KIRREL3: variants seen among roughly 807,000 people sequenced by gnomAD.
KIRREL3 encodes the protein kirre like nephrin family adhesion molecule 3.
Under a neutral mutation model 89.7 loss-of-function variants are expected in KIRREL3, and 36 were observed. The ratio of observed to expected loss-of-function variants is 0.40; its 90% CI spans 0.31 to 0.53. The LOEUF (loss-of-function observed/expected upper bound fraction) is 0.53. Ranked by LOEUF, KIRREL3 falls within the 20% of genes least tolerant of loss-of-function variation. The pLI is 0.49. For synonymous variants in KIRREL3, 445 were observed against 441.4 expected, an observed-to-expected ratio of 1.01 and a Z score of -0.10; for missense variants, 864 against 1,056.6, an observed-to-expected ratio of 0.82 and a Z score of 2.53.
chr11:126,447,194 C>T (rs977724108), intron 8 of KIRREL3, among the ~76,000 whole-genome samples: 1 of 152,236 alleles, frequency 6.6e-6, no homozygotes, highest in East Asian at 1.9e-4. Flanking sequence ...TGGATTTACC[C>T]CCACGGCTCT....
At position 126,689,281 on chromosome 11, in the gene KIRREL3, T is replaced by C. The variant is rs575686987; in HGVS notation, c.56-126369A>G. ...TGGCTTGTGAGATTAAGATTTGGTA[T>C]TGGAATTTGTCCCATCTCGACTTGG... is the stretch of plus-strand genomic sequence containing the variant. On this transcript the variant is annotated intron_variant, in intron 1 of 16. Coordinates refer to ENST00000525144, the MANE Select transcript of KIRREL3 (RefSeq NM_032531.4). The surrounding 1 kb of genome is among the most constrained non-coding windows in gnomAD (Gnocchi z 5.2). Among the ~76,000 whole-genome samples, 3 of 152,286 alleles carry C rather than the reference T, an allele frequency of 2.0e-5. No individual in the cohort carries two copies. Among genetic ancestry groups the C allele is most frequent in the Non-Finnish European group, 2.9e-5 (2 of 68,026 alleles).
chr11:126,588,448 T>C (rs900415851), intron 1 of KIRREL3, among the ~76,000 whole-genome samples: 9 of 152,166 alleles, frequency 5.9e-5, no homozygotes, highest in East Asian at 1.9e-4. Flanking sequence ...GGAATAGGAA[T>C]TGGGGACTCC....
rs1342645506 is a variant in KIRREL3, at chr11:126,877,846, T to C, written c.55+122609A>G. Among the ~76,000 whole-genome samples the C allele has an allele frequency of 2.0e-5, 3 of 152,166 alleles. No individual in the cohort carries two copies. The highest frequency in any genetic ancestry group is 4.8e-5 in the African/African-American group (2 of 41,434). The stretch of plus-strand genomic sequence containing the variant: ...TATCTTGAACCTATCATCCACATGT[T>C]TTTTGTGCCTGAAAAAGCAGAATAT... On this transcript the variant is annotated intron_variant, in intron 1 of 16. Coordinates refer to ENST00000525144, the MANE Select transcript of KIRREL3 (RefSeq NM_032531.4). This position sits in a 1 kb window ranked among gnomAD's most constrained non-coding sequence, Gnocchi z 4.9.
chr11:126,735,709 C>G (rs935183359), intron 1 of KIRREL3, among the ~76,000 whole-genome samples: 1 of 152,258 alleles, frequency 6.6e-6, no homozygotes, highest in African/African-American at 2.4e-5. Context: ...TCTGTAGGAA[C>G]TGAAGTCAAT....
chr11:126,596,571 G>A (rs1942406988), intron 1 of KIRREL3, among the ~76,000 whole-genome samples: 1 of 152,234 alleles, frequency 6.6e-6, no homozygotes, highest in Admixed American at 6.5e-5. Flanking sequence ...GCATTGAGTT[G>A]ACAGTGATCT....
chr11:126,576,082 G>A lies in KIRREL3; in HGVS notation c.56-13170C>T, dbSNP rs1565564483. On this transcript the variant is annotated intron_variant, in intron 1 of 16. Coordinates refer to ENST00000525144, the MANE Select transcript of KIRREL3 (RefSeq NM_032531.4). This position sits in a 1 kb window ranked among gnomAD's most constrained non-coding sequence, Gnocchi z 5.4. Reference sequence around the variant, plus strand: ...CATAGTAGGCACTCAGTGCACATGTGTATGTGACGAGTAACTCCACAGACA... The same window carrying A: ...CATAGTAGGCACTCAGTGCACATGTATATGTGACGAGTAACTCCACAGACA... Among the ~76,000 whole-genome samples the A allele has an allele frequency of 6.6e-6, 1 of 152,180 alleles. No individual in the cohort carries two copies. Among genetic ancestry groups the A allele is most frequent in the Non-Finnish European group, 1.5e-5 (1 of 68,044 alleles).
rs1225166149 is a variant in KIRREL3 at position 126,795,327 on chromosome 11, G to A, written c.55+205128C>T. ...GATGCTAATAATGGGGGAAACTCAG[G>A]GCAGAGGTTGGGAGGGAGAGGACGT... On this transcript the variant is annotated intron_variant, in intron 1 of 16. Coordinates refer to ENST00000525144, the MANE Select transcript of KIRREL3 (RefSeq NM_032531.4). The surrounding 1 kb of genome is among the most constrained non-coding windows in gnomAD (Gnocchi z 4.1). Among the ~76,000 whole-genome samples the A allele has an allele frequency of 6.6e-6, 1 of 152,132 alleles. No homozygotes were observed. The highest frequency in any genetic ancestry group is 1.9e-4 in the East Asian group (1 of 5,194).
At chr11:126,951,161 G>T (rs1306095319) in intron 1 of KIRREL3, among the ~76,000 whole-genome samples, 2 of 152,158 alleles carry the variant, frequency 1.3e-5, no homozygotes, top group African/African-American at 4.8e-5. Flanking sequence ...TGCCATGTGG[G>T]ATAAGGCACA....
chr11:126,838,542 AG>A (rs1198204953), intron 1 of KIRREL3, among the ~76,000 whole-genome samples: 11 of 152,148 alleles, frequency 7.2e-5, no homozygotes, highest in Admixed American at 1.3e-4. Context: ...GGGACATTTG[AG>A]GTTTCTGTTT....
In KIRREL3 at chr11:126,977,600, C is replaced by T. The variant is rs1949615682; in HGVS notation, c.55+22855G>A. Among the ~76,000 whole-genome samples the T allele has an allele frequency of 6.6e-6, 1 of 152,210 alleles. No individual in the cohort carries two copies. The highest frequency in any genetic ancestry group is 6.5e-5 in the Admixed American group (1 of 15,280). On this transcript the variant is annotated intron_variant, in intron 1 of 16. Coordinates refer to ENST00000525144, the MANE Select transcript of KIRREL3 (RefSeq NM_032531.4). This position sits in a 1 kb window ranked among gnomAD's most constrained non-coding sequence, Gnocchi z 4.7. The stretch of plus-strand genomic sequence containing the variant: ...ATGCCTACTATGCACCTGTCTATTT[C>T]ATCAGGTTTATACCTTGTTGGCACA...
In KIRREL3 at chr11:126,530,796, G is replaced by A. The variant is rs1958918823; in HGVS notation, c.134-4109C>T. On this transcript the variant is annotated intron_variant, in intron 2 of 16. Coordinates refer to ENST00000525144, the MANE Select transcript of KIRREL3 (RefSeq NM_032531.4). This position sits in a 1 kb window ranked among gnomAD's most constrained non-coding sequence, Gnocchi z 5.8. Reference sequence around the variant, plus strand: ...TGTTCCCCTGGTGTGAAGCCTTGGCGGCCGGTGCAATCTCCCCTTCCCATA... The same window carrying A: ...TGTTCCCCTGGTGTGAAGCCTTGGCAGCCGGTGCAATCTCCCCTTCCCATA... 2.0e-5 allele frequency among the ~76,000 whole-genome samples: 3 copies of A among 152,068 alleles called. No individual in the cohort carries two copies. The highest frequency in any genetic ancestry group is 2.1e-4 in the South Asian group (1 of 4,804).
chr11:126,631,305 C>T (rs537366853), intron 1 of KIRREL3, among the ~76,000 whole-genome samples: 19 of 152,288 alleles, frequency 1.2e-4, no homozygotes, highest in East Asian at 3.9e-4. Context: ...AGTAACTAAG[C>T]GGCTTGATGA....
chr11:126,435,601 G>T (rs1254143897), intron 12 of KIRREL3, among the ~76,000 whole-genome samples: 2 of 152,178 alleles, frequency 1.3e-5, no homozygotes, highest in Non-Finnish European at 2.9e-5. Context: ...GGAAGACACG[G>T]AGGGTAGGCA....
chr11:126,532,448 T>C (rs1363920282), intron 2 of KIRREL3, among the ~76,000 whole-genome samples: 1 of 152,216 alleles, frequency 6.6e-6, no homozygotes, highest in Non-Finnish European at 1.5e-5. Context: ...TGTTCTCGGC[T>C]CACTGCAACC....
chr11:126,651,655 A>G lies in KIRREL3; in HGVS notation c.56-88743T>C, dbSNP rs1198364663. Among the ~76,000 whole-genome samples, 2 of 152,256 alleles carry G rather than the reference A, an allele frequency of 1.3e-5. No homozygotes were observed. The highest frequency in any genetic ancestry group is 2.9e-5 in the Non-Finnish European group (2 of 68,044). On this transcript the variant is annotated intron_variant, in intron 1 of 16. Coordinates refer to ENST00000525144, the MANE Select transcript of KIRREL3 (RefSeq NM_032531.4). The surrounding 1 kb of genome is among the most constrained non-coding windows in gnomAD (Gnocchi z 4.6). Reference sequence around the variant, plus strand: ...TAATGAATTTACCAAATTTGTGGGTATTATGGAGATATTAATTCCATATGA... The same window carrying G: ...TAATGAATTTACCAAATTTGTGGGTGTTATGGAGATATTAATTCCATATGA...
rs139842448 is a variant in KIRREL3 at position 126,722,049 on chromosome 11, T to C, written c.56-159137A>G. Among the ~76,000 whole-genome samples the C allele has an allele frequency of 2.2e-4, 34 of 152,322 alleles. No homozygotes were observed. The East Asian group carries it at 6.6e-3, about 29-fold the overall frequency. On this transcript the variant is annotated intron_variant, in intron 1 of 16. Coordinates refer to ENST00000525144, the MANE Select transcript of KIRREL3 (RefSeq NM_032531.4). Reference sequence around the variant, plus strand: ...GGCAGTCAAGGCTCCCAATGATATGTCATAATTTCCACTTCCAGCCTTGTC... The same window carrying C: ...GGCAGTCAAGGCTCCCAATGATATGCCATAATTTCCACTTCCAGCCTTGTC...
chr11:126,980,054 G>T (rs140383078), intron 1 of KIRREL3, among the ~76,000 whole-genome samples: 1 of 152,112 alleles, frequency 6.6e-6, no homozygotes, highest in Non-Finnish European at 1.5e-5. Context: ...ACATTATGTC[G>T]GCAGAGAAGA....
rs1945852140 is a variant in KIRREL3 at position 126,890,076 on chromosome 11, C to G, written c.55+110379G>C. Among the ~76,000 whole-genome samples, 1 of 152,150 alleles carries G rather than the reference C, an allele frequency of 6.6e-6. No homozygotes were observed. The highest frequency in any genetic ancestry group is 1.5e-5 in the Non-Finnish European group (1 of 68,038). ...CACAAATAACTATCTGGTGGAGGATCTTGTGTCCTTTCATTCTAGGGGGAT... is the reference window on the plus strand; with the variant it reads ...CACAAATAACTATCTGGTGGAGGATGTTGTGTCCTTTCATTCTAGGGGGAT... On this transcript the variant is annotated intron_variant, in intron 1 of 16. Transcript: ENST00000525144. The surrounding 1 kb of genome is among the most constrained non-coding windows in gnomAD (Gnocchi z 5.1).
rs1041695239 is a variant in KIRREL3 at position 126,431,226 on chromosome 11, G to T, written c.1696+193C>A. 4 of 1,510,598 alleles carry T rather than the reference G, an allele frequency of 2.6e-6. No individual in the cohort carries two copies. In the South Asian group the frequency reaches 5.2e-5, roughly 19 times the overall value. The allele number at this position is 1,510,598 out of a possible 1,614,324, so 93.6% of individuals were successfully genotyped here. A position where few individuals can be genotyped will look rare whatever the true frequency, so the allele number is the denominator to read the frequency against. On this transcript the variant is annotated intron_variant, in intron 14 of 16. Transcript: ENST00000525144. This position sits in a 1 kb window ranked among gnomAD's most constrained non-coding sequence, Gnocchi z 7.1. ...TAGTCCAGGTCAACCTCAGCCTAGCGCCCACTCTGCCAGGCGCCATGTTGC... is the reference window on the plus strand; with the variant it reads ...TAGTCCAGGTCAACCTCAGCCTAGCTCCCACTCTGCCAGGCGCCATGTTGC...
Sources: gnomAD v4.1 joint callset for allele counts (sites outside exome capture counted in the v4.1 genomes callset) on GRCh38, gnomAD v4.1.1 for gene constraint, Gnocchi (gnomAD v3.1) non-coding constraint, MANE v1.5 for transcripts, NCBI Gene and HGNC (gene_info 2026-07-23, HGNC 2026-07-21) for gene names.